The following ELL variants were observed in gnomAD, a reference collection of about 807,000 sequenced individuals.
The protein encoded by ELL is RNA polymerase II elongation factor ELL.
Under a neutral mutation model 64.0 loss-of-function variants are expected in ELL, and 18 were observed. That is an observed-to-expected ratio of 0.28 (90% CI 0.19 to 0.42). The LOEUF (loss-of-function observed/expected upper bound fraction) is 0.42, where lower values mean the gene tolerates loss of function less well. Ranked by LOEUF, ELL falls within the 10% of genes least tolerant of loss-of-function variation. The probability of loss-of-function intolerance (pLI) is 1.00; values close to 1 mark genes in which losing one functional copy is unlikely to be tolerated. For synonymous variants in ELL, 399 were observed against 376.2 expected (o/e 1.06, Z -0.70); for missense variants, 797 against 870.4 (o/e 0.92, Z 1.06).
intron 1 of ELL, among the ~76,000 whole-genome samples, chr19:18,504,404 A>G (rs989167313): frequency 2.6e-5 from 4 of 151,916 alleles, no homozygotes; most frequent in South Asian, 2.1e-4. Context: ...TTTCCCCTAC[A>G]TTTTCTACAG....
At chr19:18,499,518 G>A (rs1040160677) in intron 1 of ELL, among the ~76,000 whole-genome samples, 2 of 152,206 alleles carry the variant, frequency 1.3e-5, no homozygotes, top group Admixed American at 6.5e-5. Context: ...ATCCTGCCAC[G>A]AGGAAGGGGG....
chr19:18,458,053 G>T, intron 6 of ELL, 152 bp downstream of exon 6: 1 of 1,389,054 alleles, frequency 7.2e-7, no homozygotes, highest in Non-Finnish European at 9.6e-7. Context: ...GCAGTAGGGA[G>T]GATGGCCAGA....
At chr19:18,464,952 G>A (rs554746630) in intron 4 of ELL, among the ~76,000 whole-genome samples, 4 of 152,362 alleles carry the variant, frequency 2.6e-5, no homozygotes, top group Admixed American at 6.5e-5. Flanking sequence ...GCCTGTTGCC[G>A]GCTGTGGTGG....
At chr19:18,497,582 G>A (rs553820316) in intron 1 of ELL, among the ~76,000 whole-genome samples, 18 of 151,684 alleles carry the variant, frequency 1.2e-4, no homozygotes, top group Non-Finnish European at 2.1e-4. Context: ...CACTTTAGGA[G>A]GCCTGGGTGG....
At position 18,446,173 on chromosome 19, in the gene ELL, G is replaced by A. The variant is rs183352190; in HGVS notation, c.1704+136C>T. The stretch of plus-strand genomic sequence containing the variant: ...GAACCATGGGGTTGCTGCATGGAGT[G>A]CACCAGGGGGAGAAGCGCTGCCTGG... On this transcript the variant is annotated intron_variant, in intron 10 of 11. Coordinates refer to ENST00000262809, the MANE Select transcript of ELL (RefSeq NM_006532.4). The A allele has an allele frequency of 4.3e-5, 48 of 1,104,772 alleles. No homozygotes were observed. In the Middle Eastern group the frequency reaches 9.2e-4, roughly 21 times the overall value. 68.4% of individuals were successfully genotyped at this position (1,104,772 alleles called of 1,614,324 possible). A position where few individuals can be genotyped will look rare whatever the true frequency, so the allele number is the denominator to read the frequency against.
intron 6 of ELL, 104 bp downstream of exon 6, chr19:18,458,101 C>G (rs551146543): frequency 6.5e-7 from 1 of 1,546,310 alleles, no homozygotes; most frequent in African/African-American, 1.3e-5. Context: ...CTCCCAAGCC[C>G]TGTGGCCTTC....
chr19:18,515,077 C>T (rs892613171), intron 1 of ELL, among the ~76,000 whole-genome samples: 4 of 152,218 alleles, frequency 2.6e-5, no homozygotes, highest in African/African-American at 9.6e-5. Context: ...TCCGAGTGAG[C>T]GCTGCCTGCT....
In ELL at chr19:18,444,437, G is replaced by C. The variant is rs891603669; in HGVS notation, c.*315C>G. 2 of 316,748 alleles carry C rather than the reference G, an allele frequency of 6.3e-6. No individual in the cohort carries two copies. The highest frequency in any genetic ancestry group is 4.2e-5 in the African/African-American group (2 of 47,442). 19.6% of individuals were successfully genotyped at this position (316,748 alleles called of 1,614,324 possible). On this transcript the variant is annotated 3_prime_UTR_variant, in exon 12 of 12. Transcript: ENST00000262809. ...GCTGTCTTTGTATAAAACTAGAAAA[G>C]GCAGGCGCGCCACCCCAAGGGCCTA...
intron 1 of ELL, among the ~76,000 whole-genome samples, chr19:18,520,139 C>T (rs1037955068): frequency 6.6e-6 from 1 of 152,150 alleles, no homozygotes; most frequent in Admixed American, 6.6e-5. Context: ...GACACACAGG[C>T]GGACCTTCTG....
chr19:18,478,231 G>A (rs561378385), intron 1 of ELL, among the ~76,000 whole-genome samples: 34 of 152,320 alleles, frequency 2.2e-4, no homozygotes, highest in African/African-American at 7.5e-4. Flanking sequence ...GGGGCCAAGC[G>A]CCTCGTTACC....
intron 9 of ELL, 86 bp downstream of exon 9, chr19:18,446,662 T>C (rs953779635): frequency 1.3e-6 from 2 of 1,551,184 alleles, no homozygotes; most frequent in South Asian, 2.3e-5. Flanking sequence ...CAGTGGCTTC[T>C]ACCTCTGATA....
intron 1 of ELL, among the ~76,000 whole-genome samples, chr19:18,505,483 C>G (rs1028866396): frequency 2.6e-5 from 4 of 152,120 alleles, no homozygotes; most frequent in African/African-American, 9.7e-5. Context: ...GTACCTGTGC[C>G]ACACACACAC....
At chr19:18,468,673 C>T (rs1430200598) in intron 2 of ELL, among the ~76,000 whole-genome samples, 1 of 152,242 alleles carries the variant, frequency 6.6e-6, no homozygotes, top group Non-Finnish European at 1.5e-5. Context: ...ACCCCCACTG[C>T]CCCCTGTGGT....
intron 1 of ELL, among the ~76,000 whole-genome samples, chr19:18,507,777 C>T (rs920639935): frequency 2.0e-5 from 3 of 152,244 alleles, no homozygotes; most frequent in African/African-American, 7.2e-5. Context: ...CGCCGAACAA[C>T]CACGCAGCTG....
chr19:18,446,841 A>G, intron 8 of ELL, 27 bp from the exon 9 acceptor site: 1 of 1,613,566 alleles, frequency 6.2e-7, no homozygotes, highest in Non-Finnish European at 8.5e-7. Flanking sequence ...ATACCTCCTG[A>G]GTCTGCGCCC....
chr19:18,494,416 C>T (rs568621943), intron 1 of ELL, among the ~76,000 whole-genome samples: 6 of 150,740 alleles, frequency 4.0e-5, no homozygotes, highest in Non-Finnish European at 5.9e-5. Flanking sequence ...TTTTTTGAGA[C>T]GGAGTCTTGC....
In ELL at chr19:18,442,947, C is replaced by A. The variant is rs542872794; in HGVS notation, c.*1805G>T. 7 of 231,304 alleles carry A rather than the reference C, an allele frequency of 3.0e-5. No homozygotes were observed. The highest frequency in any genetic ancestry group is 6.0e-5 in the Non-Finnish European group (7 of 116,700). The allele number at this position is 231,304 out of a possible 1,614,324, so 14.3% of individuals were successfully genotyped here. A position where few individuals can be genotyped will look rare whatever the true frequency, so the allele number is the denominator to read the frequency against. ...ACTTTGTCCACCAACCCCCAAAACA[C>A]AAAACTTTTCTTAGCTTCATAATTC... On this transcript the variant is annotated 3_prime_UTR_variant, in exon 12 of 12. Transcript: ENST00000262809.
chr19:18,482,426 T>C (rs1473776854), intron 1 of ELL, among the ~76,000 whole-genome samples: 2 of 145,524 alleles, frequency 1.4e-5, no homozygotes, highest in Admixed American at 6.9e-5. Context: ...GAAGCAATTC[T>C]CCTGCCTCTG....
At chr19:18,455,264 G>A (rs886366282) in intron 6 of ELL, among the ~76,000 whole-genome samples, 8 of 151,666 alleles carry the variant, frequency 5.3e-5, no homozygotes, top group Non-Finnish European at 1.2e-4. Flanking sequence ...AGGCCGAGGC[G>A]GGTGGATCAT....
Sources: gnomAD v4.1 joint callset for allele counts (sites outside exome capture counted in the v4.1 genomes callset) on GRCh38, gnomAD v4.1.1 for gene constraint, MANE v1.5 for transcripts, NCBI Gene and HGNC (gene_info 2026-07-23, HGNC 2026-07-21) for gene names.